The following C3orf70 variants were observed in gnomAD, a reference collection of about 807,000 sequenced individuals.
C3orf70 encodes the protein UPF0524 protein C3orf70.
Under a neutral mutation model 20.7 loss-of-function variants are expected in C3orf70, and 15 were observed. That is an observed-to-expected ratio of 0.72 (90% CI 0.48 to 1.11). The LOEUF is 1.11. Ranked by LOEUF, C3orf70 falls within the 50% of genes most tolerant of loss-of-function variation. The pLI is 0.00. For synonymous variants in C3orf70, 161 were observed against 125.7 expected, an observed-to-expected ratio of 1.28 and a Z score of -1.88; for missense variants, 332 against 317.6, an observed-to-expected ratio of 1.05 and a Z score of -0.34.
chr3:185,105,251 T>G (rs1182949793), intron 1 of C3orf70, among the ~76,000 whole-genome samples: 1 of 152,216 alleles, frequency 6.6e-6, no homozygotes, highest in Non-Finnish European at 1.5e-5. Context: ...GCCCCAAAAC[T>G]GGCCATACAC....
At position 185,152,787 on chromosome 3, in the gene C3orf70, A is replaced by C; in HGVS notation, c.37T>G (p.Trp13Gly). 2 of 1,570,888 alleles carry C rather than the reference A, an allele frequency of 1.3e-6. No homozygotes were observed. Among genetic ancestry groups the C allele is most frequent in the Non-Finnish European group, 1.7e-6 (2 of 1,157,232 alleles). The change falls in exon 1 of 2, where the codon TGG becomes GGG. Residue 13 changes from tryptophan to glycine, a missense_variant. Trp to Gly is a radical substitution (Grantham distance 184). Coordinates refer to ENST00000335012, the MANE Select transcript of C3orf70 (RefSeq NM_001025266.3). ...AAASPASERG[W>G]KSEKLDEAQA... Reference sequence around the variant, plus strand: ...GCCTCATCTAGTTTCTCGCTCTTCCAACCCCGCTCCGACGCCGGCGAGGCC... The same window carrying C: ...GCCTCATCTAGTTTCTCGCTCTTCCCACCCCGCTCCGACGCCGGCGAGGCC...
chr3:185,152,874 T>C lies in C3orf70; in HGVS notation c.-51A>G. 1 of 1,433,572 alleles carries C rather than the reference T, an allele frequency of 7.0e-7. No individual in the cohort carries two copies. Among genetic ancestry groups the C allele is most frequent in the Non-Finnish European group, 9.2e-7 (1 of 1,086,696 alleles). 88.8% of individuals were successfully genotyped at this position (1,433,572 alleles called of 1,614,324 possible). A position where few individuals can be genotyped will look rare whatever the true frequency, so the allele number is the denominator to read the frequency against. Reference sequence around the variant, plus strand: ...CACCGGGAGCCCGGGAGAAGCGACGTCTGGGTGGGCAGGAAGCCGAGCCGG... The same window carrying C: ...CACCGGGAGCCCGGGAGAAGCGACGCCTGGGTGGGCAGGAAGCCGAGCCGG... On this transcript the variant is annotated 5_prime_UTR_variant, in exon 1 of 2. Coordinates refer to ENST00000335012, the MANE Select transcript of C3orf70 (RefSeq NM_001025266.3).
chr3:185,092,410 C>G (rs1468314854), intron 1 of C3orf70, among the ~76,000 whole-genome samples: 2 of 152,002 alleles, frequency 1.3e-5, no homozygotes, highest in African/African-American at 4.8e-5. Flanking sequence ...CTTCCATAAA[C>G]TCCTCTCTGT....
At chr3:185,152,457 C>T (rs1009095925) in intron 1 of C3orf70, among the ~76,000 whole-genome samples, 171 bp downstream of exon 1, 3 of 152,186 alleles carry the variant, frequency 2.0e-5, no homozygotes, top group Admixed American at 2.0e-4. Context: ...AGCCGTCCGG[C>T]GCAAGGAAAG....
In C3orf70 at chr3:185,079,000, G is replaced by A. The variant is rs1021164258; in HGVS notation, c.*4007C>T. ...GAAGTGGAGGATTAGAAGTAAAGCC[G>A]GCCGGGCGTGGTGGTTCACGCCTGC... On this transcript the variant is annotated 3_prime_UTR_variant, in exon 2 of 2. Transcript: ENST00000335012. 6 of 152,136 alleles carry A rather than the reference G, an allele frequency of 3.9e-5. No individual in the cohort carries two copies. The highest frequency in any genetic ancestry group is 7.2e-5 in the African/African-American group (3 of 41,404). The allele number at this position is 152,136 out of a possible 1,614,324, so 9.4% of individuals were successfully genotyped here.
At chr3:185,124,021 C>T (rs902055172) in intron 1 of C3orf70, among the ~76,000 whole-genome samples, 19 of 152,104 alleles carry the variant, frequency 1.2e-4, no homozygotes, top group African/African-American at 4.1e-4. Context: ...TTTGTCTTTA[C>T]TGAACATGTA....
intron 1 of C3orf70, among the ~76,000 whole-genome samples, chr3:185,113,577 T>C (rs1188223182): frequency 6.6e-6 from 1 of 152,206 alleles, no homozygotes; most frequent in African/African-American, 2.4e-5. Context: ...TAAAAGCATT[T>C]CTTGAAATAA....
intron 1 of C3orf70, among the ~76,000 whole-genome samples, chr3:185,094,368 C>T (rs572634831): frequency 2.6e-5 from 4 of 152,212 alleles, no homozygotes; most frequent in African/African-American, 4.8e-5. Flanking sequence ...TGAGCCGCTG[C>T]GCCCGGCCTA....
At chr3:185,084,022 T>G (rs917574852) in intron 1 of C3orf70, among the ~76,000 whole-genome samples, 4 of 152,086 alleles carry the variant, frequency 2.6e-5, no homozygotes, top group Admixed American at 2.0e-4. Flanking sequence ...CTGTCTCTAC[T>G]AAAAACACAA....
At chr3:185,091,149 G>A (rs1309981746) in intron 1 of C3orf70, among the ~76,000 whole-genome samples, 3 of 152,132 alleles carry the variant, frequency 2.0e-5, no homozygotes, top group African/African-American at 7.2e-5. Context: ...TAAAACAAGA[G>A]TTGAATAAGA....
chr3:185,086,916 A>G (rs901872193), intron 1 of C3orf70, among the ~76,000 whole-genome samples: 1 of 152,212 alleles, frequency 6.6e-6, no homozygotes, highest in Non-Finnish European at 1.5e-5. Flanking sequence ...AGAAATAATT[A>G]AACTCAAAGA....
intron 1 of C3orf70, among the ~76,000 whole-genome samples, chr3:185,115,953 A>C (rs1332568852): frequency 6.6e-6 from 1 of 152,110 alleles, no homozygotes; most frequent in Non-Finnish European, 1.5e-5. Context: ...AAACCATCAC[A>C]TTGGGGATTA....
At chr3:185,123,566 C>A (rs1403855847) in intron 1 of C3orf70, among the ~76,000 whole-genome samples, 1 of 150,674 alleles carries the variant, frequency 6.6e-6, no homozygotes, top group Admixed American at 6.6e-5. Flanking sequence ...ACTTGAACTC[C>A]TAGGCTCAAG....
intron 1 of C3orf70, among the ~76,000 whole-genome samples, chr3:185,122,175 T>G (rs1325515290): frequency 6.6e-6 from 1 of 151,374 alleles, no homozygotes; most frequent in Non-Finnish European, 1.5e-5. Context: ...CTAGAGTGAC[T>G]ATATAAATAT....
intron 1 of C3orf70, among the ~76,000 whole-genome samples, chr3:185,151,710 T>G (rs1716992946): frequency 1.3e-5 from 2 of 152,234 alleles, no homozygotes; most frequent in South Asian, 4.1e-4. Flanking sequence ...TAAGATCACT[T>G]GGAAAATGTC....
intron 1 of C3orf70, among the ~76,000 whole-genome samples, chr3:185,095,267 A>T (rs1037030729): frequency 1.3e-5 from 2 of 152,242 alleles, no homozygotes; most frequent in Non-Finnish European, 2.9e-5. Flanking sequence ...CTAAAATTGC[A>T]GTCTGAAAAA....
At chr3:185,112,866 T>G (rs1298837219) in intron 1 of C3orf70, among the ~76,000 whole-genome samples, 1 of 152,196 alleles carries the variant, frequency 6.6e-6, no homozygotes, top group Non-Finnish European at 1.5e-5. Flanking sequence ...CTAATTAATA[T>G]TTTCTTTTTT....
chr3:185,119,519 G>A (rs544323533), intron 1 of C3orf70, among the ~76,000 whole-genome samples: 25 of 151,744 alleles, frequency 1.6e-4, no homozygotes, highest in African/African-American at 5.6e-4. Context: ...AGAGCTTAAA[G>A]TTAGTCACCT....
intron 1 of C3orf70, among the ~76,000 whole-genome samples, chr3:185,143,006 T>C (rs1340659820): frequency 3.3e-5 from 5 of 152,292 alleles, no homozygotes; most frequent in Admixed American, 3.3e-4. Flanking sequence ...TAAAATGCGA[T>C]ATATGAATCT....
Sources: allele counts gnomAD v4.1 joint callset (sites outside exome capture counted in the v4.1 genomes callset), GRCh38; gene constraint gnomAD v4.1.1; transcripts MANE v1.5; gene names NCBI Gene and HGNC (gene_info 2026-07-23, HGNC 2026-07-21).